Variants in UBR1 observed in about 807,000 individuals in gnomAD.
UBR1 encodes the protein E3 ubiquitin-protein ligase UBR1.
In UBR1, 102 loss-of-function variants were observed where a neutral mutation model predicts 242.1. The ratio of observed to expected loss-of-function variants is 0.42; its 90% CI spans 0.36 to 0.50. The LOEUF is 0.50. Ranked by LOEUF, UBR1 falls within the 20% of genes least tolerant of loss-of-function variation. UBR1 has a pLI of 0.01. For missense variants in UBR1, 1,772 were observed against 2,101.8 expected, an observed-to-expected ratio of 0.84 and a Z score of 3.07; for synonymous variants, 675 against 684.8, an observed-to-expected ratio of 0.99 and a Z score of 0.22.
chr15:43,024,810 A>G lies in UBR1; in HGVS notation c.2739+19T>C, dbSNP rs376678320. ...AACTCTAGGACTTGATGTAGAGAAA[A>G]TATTTCAGGTAAACAAACCATTTGG... On this transcript the variant is annotated intron_variant, in intron 25 of 46. Coordinates refer to ENST00000290650, the MANE Select transcript of UBR1 (RefSeq NM_174916.3). 17 of 1,614,002 alleles carry G rather than the reference A, an allele frequency of 1.1e-5. No homozygotes were observed. The Admixed American group carries it at 1.3e-4, about 13-fold the overall frequency.
At chr15:43,055,017 T>C in intron 11 of UBR1, 118 bp from the exon 12 acceptor site, 1 of 1,193,128 alleles carries the variant, frequency 8.4e-7, no homozygotes, top group South Asian at 1.3e-5. Context: ...TTATTGAATG[T>C]TAAACACAGT....
At chr15:42,981,078 A>C (rs1025407287) in intron 37 of UBR1, among the ~76,000 whole-genome samples, 15 of 152,018 alleles carry the variant, frequency 9.9e-5, no homozygotes, top group African/African-American at 3.6e-4. Flanking sequence ...CTGCTATCAC[A>C]TTCAGATGCA....
chr15:43,098,622 G>C (rs2034189310), intron 1 of UBR1, among the ~76,000 whole-genome samples: 1 of 151,776 alleles, frequency 6.6e-6, no homozygotes, highest in African/African-American at 2.4e-5. Flanking sequence ...ATTATAAGAA[G>C]TCAGTTTCCA....
At chr15:43,064,170 A>T (rs970121821) in intron 6 of UBR1, among the ~76,000 whole-genome samples, 1 of 152,270 alleles carries the variant, frequency 6.6e-6, no homozygotes, top group Admixed American at 6.5e-5. Context: ...CCACATTTTA[A>T]GAAAATCTTT....
chr15:42,996,524 G>A (rs1471390950), intron 33 of UBR1, among the ~76,000 whole-genome samples: 1 of 152,124 alleles, frequency 6.6e-6, no homozygotes, highest in Non-Finnish European at 1.5e-5. Flanking sequence ...TTGTGCCCAG[G>A]AAGTTGAAGC....
In UBR1 at chr15:43,017,119, T is replaced by C. The variant is rs777599292; in HGVS notation, c.3003A>G (p.Gly1001=). 7.4e-6 allele frequency: 12 copies of C among 1,613,710 alleles called. No homozygotes were observed. In the Admixed American group the frequency reaches 1.2e-4, roughly 16 times the overall value. The change falls in exon 28 of 47, where the codon GGA becomes GGG. Residue 1001 remains glycine (G), a synonymous_variant. Transcript: ENST00000290650. ...CCTCATCATTCTTAATAGATTCCGA[T>C]CCTGATGTGGTTGCTACAATTAAAC... The part of the protein sequence containing the change: ...KSCLIVATTS[G]SESIKNDEIT...
intron 37 of UBR1, among the ~76,000 whole-genome samples, chr15:42,978,823 G>A (rs1220854504): frequency 1.3e-5 from 2 of 150,490 alleles, no homozygotes; most frequent in Non-Finnish European, 2.9e-5. Flanking sequence ...CCGCCTCCCA[G>A]GTTCAAGTGA....
chr15:42,961,365 G>A (rs2032016643), intron 42 of UBR1, among the ~76,000 whole-genome samples: 4 of 150,854 alleles, frequency 2.7e-5, no homozygotes, highest in East Asian at 2.0e-4. Flanking sequence ...AGCCTGCCTC[G>A]GCTTCCCAAA....
chr15:42,961,364 C>T (rs753468452), intron 42 of UBR1, among the ~76,000 whole-genome samples: 24 of 151,332 alleles, frequency 1.6e-4, no homozygotes, highest in Admixed American at 3.3e-4. Context: ...CAGCCTGCCT[C>T]GGCTTCCCAA....
intron 32 of UBR1, among the ~76,000 whole-genome samples, chr15:43,001,666 T>G (rs1254814395): frequency 6.6e-6 from 1 of 152,172 alleles, no homozygotes; most frequent in East Asian, 1.9e-4. Context: ...TAATTAAATT[T>G]CCAAGATGTT....
At chr15:43,098,704 T>C (rs1357500481) in intron 1 of UBR1, among the ~76,000 whole-genome samples, 1 of 152,194 alleles carries the variant, frequency 6.6e-6, no homozygotes, top group Non-Finnish European at 1.5e-5. Flanking sequence ...ATCAGTCATT[T>C]TGACTTAGAG....
chr15:43,070,295 A>G (rs1422699983), intron 5 of UBR1, among the ~76,000 whole-genome samples: 1 of 151,574 alleles, frequency 6.6e-6, no homozygotes, highest in African/African-American at 2.4e-5. Flanking sequence ...TATAATTTCA[A>G]TAATCCTAGA....
At chr15:43,104,127 T>C (rs1353446034) in intron 1 of UBR1, among the ~76,000 whole-genome samples, 1 of 152,212 alleles carries the variant, frequency 6.6e-6, no homozygotes, top group Non-Finnish European at 1.5e-5. Flanking sequence ...TTACACAATC[T>C]ACCTACTACT....
chr15:43,069,199 C>T (rs979343636), intron 5 of UBR1, among the ~76,000 whole-genome samples: 1 of 152,026 alleles, frequency 6.6e-6, no homozygotes, highest in Non-Finnish European at 1.5e-5. Flanking sequence ...CCAAAAGGAA[C>T]ATAATATCTA....
In UBR1 at chr15:42,945,222, G is replaced by A. The variant is rs919738160; in HGVS notation, c.*107C>T. ...TGATGTAAGTGAACCTGGACATGGA[G>A]CAAAAGACCCTCCAATACTTTCCCA... is the stretch of plus-strand genomic sequence containing the variant. On this transcript the variant is annotated 3_prime_UTR_variant, in exon 47 of 47. Coordinates refer to ENST00000290650, the MANE Select transcript of UBR1 (RefSeq NM_174916.3). 52 of 1,496,828 alleles carry A rather than the reference G, an allele frequency of 3.5e-5. No homozygotes were observed. Among genetic ancestry groups the A allele is most frequent in the Middle Eastern group, 2.0e-4 (1 of 4,902 alleles). 92.7% of individuals were successfully genotyped at this position (1,496,828 alleles called of 1,614,324 possible).
intron 3 of UBR1, among the ~76,000 whole-genome samples, chr15:43,080,660 T>C (rs2033964908): frequency 6.6e-6 from 1 of 152,180 alleles, no homozygotes. Flanking sequence ...AAAGCTGCTA[T>C]AAAACATTCA....
chr15:43,051,532 T>A (rs1245857115), intron 12 of UBR1, among the ~76,000 whole-genome samples: 1 of 152,166 alleles, frequency 6.6e-6, no homozygotes, highest in African/African-American at 2.4e-5. Context: ...GACACAAGTT[T>A]ACCTATGTAA....
chr15:42,989,565 G>T (rs1417004734), intron 34 of UBR1, among the ~76,000 whole-genome samples: 1 of 152,032 alleles, frequency 6.6e-6, no homozygotes, highest in Admixed American at 6.5e-5. Flanking sequence ...ATCTGATTTG[G>T]GTACATTACA....
chr15:43,052,489 AAGGC>A (rs1211628761), intron 12 of UBR1, among the ~76,000 whole-genome samples: 1 of 152,224 alleles, frequency 6.6e-6, no homozygotes, highest in Non-Finnish European at 1.5e-5. Context: ...AAAATTTCCT[AAGGC>A]AGGCTGAACA....
Sources: gnomAD v4.1 joint callset for allele counts (sites outside exome capture counted in the v4.1 genomes callset) on GRCh38, gnomAD v4.1.1 for gene constraint, MANE v1.5 for transcripts, NCBI Gene and HGNC (gene_info 2026-07-23, HGNC 2026-07-21) for gene names.